The following SHISA9 variants were observed in gnomAD, a reference collection of about 807,000 sequenced individuals.
The protein encoded by SHISA9 is shisa family member 9.
In SHISA9, 13 loss-of-function variants were observed where a neutral mutation model predicts 38.0. The observed-to-expected ratio is 0.34, with a 90% confidence interval of 0.22 to 0.54. SHISA9 has a LOEUF of 0.54. Among genes scored for constraint, SHISA9 ranks in the 20% least tolerant of loss-of-function variants. The pLI is 0.91. For missense variants in SHISA9, 538 were observed against 575.8 expected (o/e 0.93, Z 0.67); for synonymous variants, 275 against 242.0 (o/e 1.14, Z -1.27).
the SHISA9 span, among the ~76,000 whole-genome samples, chr16:13,459,173 G>GA: frequency 6.6e-6 from 1 of 151,986 alleles, no homozygotes; most frequent in East Asian, 1.9e-4. Flanking sequence ...TATAGAATGA[G>GA]AAAAAAATTA....
At chr16:13,128,386 G>A (rs749551578) in intron 2 of SHISA9, among the ~76,000 whole-genome samples, 1 of 152,050 alleles carries the variant, frequency 6.6e-6, no homozygotes, top group African/African-American at 2.4e-5. Context: ...GAAACACAGT[G>A]GTGGAACAGA....
intron 2 of SHISA9, among the ~76,000 whole-genome samples, chr16:13,149,425 G>C (rs1489000568): frequency 1.3e-5 from 2 of 152,146 alleles, no homozygotes; most frequent in African/African-American, 4.8e-5. Context: ...CCACTTACCA[G>C]CAGAGATTGA....
rs568706501 is a variant in SHISA9, at chr16:12,958,927, G to T, written c.691+42112G>T. Among the ~76,000 whole-genome samples the T allele has an allele frequency of 3.0e-3, 464 of 152,280 alleles. 3 individuals are homozygous for T. Among genetic ancestry groups the T allele is most frequent in the African/African-American group, 0.01 (434 of 41,562 alleles). On this transcript the variant is annotated intron_variant, in intron 2 of 4. Coordinates refer to ENST00000558583, the MANE Select transcript of SHISA9 (RefSeq NM_001145204.3). ...TTCTCCCATGAGAGTTGGGTCTGAG[G>T]GTTGGCCATGATTTAGCTGATCCCA...
At chr16:12,990,777 G>T (rs1394604495) in intron 2 of SHISA9, among the ~76,000 whole-genome samples, 1 of 152,162 alleles carries the variant, frequency 6.6e-6, no homozygotes, top group Admixed American at 6.5e-5. Context: ...AGCCCCAAGT[G>T]TCAATTGTAC....
At chr16:13,398,444 T>A in the SHISA9 span, among the ~76,000 whole-genome samples, 1 of 152,086 alleles carries the variant, frequency 6.6e-6, no homozygotes, top group Admixed American at 6.5e-5. Flanking sequence ...ATTTACTTAT[T>A]CGTCTTCCAC....
chr16:13,399,016 G>A, the SHISA9 span, among the ~76,000 whole-genome samples: 1 of 152,124 alleles, frequency 6.6e-6, no homozygotes. Flanking sequence ...AACACTTTAG[G>A]AGGCTGAGGC....
At chr16:12,923,100 C>T (rs35082810) in intron 2 of SHISA9, among the ~76,000 whole-genome samples, 35,158 of 152,090 alleles carry the variant, frequency 0.23, 4,947 homozygotes, top group Non-Finnish European at 0.31. Flanking sequence ...TAGCTCTATA[C>T]ATTTCTGTCC....
At chr16:13,288,604 G>A in the SHISA9 span, among the ~76,000 whole-genome samples, 1 of 152,222 alleles carries the variant, frequency 6.6e-6, no homozygotes, top group South Asian at 2.1e-4. Context: ...GACCATCCTG[G>A]TCAACATGAC....
rs1474471632 is a variant in SHISA9 at position 13,037,058 on chromosome 16, T to TCTCACA, written c.691+120244_691+120245insTCACAC. Among the ~76,000 whole-genome samples, 342 of 135,978 alleles carry TCTCACA rather than the reference T, an allele frequency of 2.5e-3. 6 individuals are homozygous for TCTCACA. The highest frequency in any genetic ancestry group is 9.5e-3 in the African/African-American group (317 of 33,500). The allele number at this position is 135,978 out of a possible 152,430, so 89.2% of individuals were successfully genotyped here. On this transcript the variant is annotated intron_variant, in intron 2 of 4. Transcript: ENST00000558583. The stretch of plus-strand genomic sequence containing the variant: ...TAAGTAAAAGGAAAGCAGGGAATGA[T>TCTCACA]CACACACACACACACACACACACAC...
In SHISA9 at chr16:13,202,413, C is replaced by A. The variant is rs542578818; in HGVS notation, c.692-981C>A. On this transcript the variant is annotated intron_variant, in intron 2 of 4. Transcript: ENST00000558583. ...CTCAGAAAAACCTTCCTGAATCTCT[C>A]TTTCCTTGAATCTCATTTCCCTTCA... 2.2e-5 allele frequency among the ~76,000 whole-genome samples: 3 copies of A among 134,224 alleles called. 1 individual carries two copies. Among genetic ancestry groups the A allele is most frequent in the African/African-American group, 8.8e-5 (3 of 34,066 alleles). The allele number at this position is 134,224 out of a possible 152,430, so 88.1% of individuals were successfully genotyped here.
At chr16:13,500,382 T>C in the SHISA9 span, among the ~76,000 whole-genome samples, 3 of 152,232 alleles carry the variant, frequency 2.0e-5, no homozygotes, top group East Asian at 5.8e-4. Context: ...TTCATAGCAG[T>C]GTGAGAAAGG....
intron 2 of SHISA9, among the ~76,000 whole-genome samples, chr16:13,178,205 C>CAGCT (rs2050747900): frequency 6.6e-6 from 1 of 152,114 alleles, no homozygotes; most frequent in African/African-American, 2.4e-5. Context: ...ATCCATGGAT[C>CAGCT]AGCTACAAGG....
At chr16:13,363,007 A>G in the SHISA9 span, among the ~76,000 whole-genome samples, 7 of 152,234 alleles carry the variant, frequency 4.6e-5, no homozygotes, top group East Asian at 1.3e-3. Flanking sequence ...TTAGATTGCT[A>G]TCCCTTTGGG....
intron 2 of SHISA9, among the ~76,000 whole-genome samples, chr16:13,112,393 GA>G (rs1185035017): frequency 1.3e-5 from 2 of 151,300 alleles, no homozygotes; most frequent in African/African-American, 4.9e-5. Context: ...AGGGAGGAAG[GA>G]AAAAAAAGGT....
chr16:13,315,405 C>A, the SHISA9 span, among the ~76,000 whole-genome samples: 1 of 152,178 alleles, frequency 6.6e-6, no homozygotes, highest in African/African-American at 2.4e-5. Context: ...AGTACCCAAT[C>A]TTTAGTATGT....
chr16:13,487,045 C>T, the SHISA9 span, among the ~76,000 whole-genome samples: 1 of 152,136 alleles, frequency 6.6e-6, no homozygotes, highest in African/African-American at 2.4e-5. Context: ...GGTTCTGCAC[C>T]AGGCTAGGCT....
chr16:13,236,937 T>C lies in SHISA9; in HGVS notation c.*1528T>C, dbSNP rs1421187588. ...GGTTGGTTCTCATAATCCATAGTCC[T>C]TGGGGTCCCAGCAAAGTCAGTTTTC... On this transcript the variant is annotated 3_prime_UTR_variant, in exon 5 of 5. Coordinates refer to ENST00000558583, the MANE Select transcript of SHISA9 (RefSeq NM_001145204.3). 1 of 152,240 alleles carries C rather than the reference T, an allele frequency of 6.6e-6. No individual in the cohort carries two copies. Among genetic ancestry groups the C allele is most frequent in the Admixed American group, 6.5e-5 (1 of 15,284 alleles). The allele number at this position is 152,240 out of a possible 1,614,324, so 9.4% of individuals were successfully genotyped here.
intron 2 of SHISA9, among the ~76,000 whole-genome samples, chr16:13,123,036 G>C (rs1230792439): frequency 6.6e-6 from 1 of 152,090 alleles, no homozygotes; most frequent in Non-Finnish European, 1.5e-5. Flanking sequence ...GACAGAGCAA[G>C]ACTCCATCTC....
At chr16:13,433,956 G>T in the SHISA9 span, among the ~76,000 whole-genome samples, 2 of 152,206 alleles carry the variant, frequency 1.3e-5, no homozygotes, top group African/African-American at 4.8e-5. Flanking sequence ...TTATTAAGGA[G>T]TATTGACTCA....
Sources: allele counts gnomAD v4.1 joint callset (sites outside exome capture counted in the v4.1 genomes callset), GRCh38; gene constraint gnomAD v4.1.1; transcripts MANE v1.5; gene names NCBI Gene and HGNC (gene_info 2026-07-23, HGNC 2026-07-21).